The following USP24 variants were observed in gnomAD, a reference collection of about 807,000 sequenced individuals.
The protein encoded by USP24 is ubiquitin specific peptidase 24.
USP24 carries 97 observed loss-of-function variants against 361.6 expected under a neutral mutation model. The observed-to-expected ratio is 0.27, with a 90% confidence interval of 0.23 to 0.32. USP24 has a LOEUF of 0.32. Ranked by LOEUF, USP24 falls within the 10% of genes least tolerant of loss-of-function variation. USP24 has a pLI of 1.00. For missense variants in USP24, 2,353 were observed against 3,165.6 expected, an observed-to-expected ratio of 0.74 and a Z score of 6.16; for synonymous variants, 1,098 against 1,124.6, an observed-to-expected ratio of 0.98 and a Z score of 0.47.
intron 50 of USP24, among the ~76,000 whole-genome samples, chr1:55,095,685 G>T (rs1645481844): frequency 6.6e-6 from 1 of 152,130 alleles, no homozygotes; most frequent in Non-Finnish European, 1.5e-5. Flanking sequence ...AAGTATCCTA[G>T]GGAGGTCTAA....
At chr1:55,205,330 T>C (rs991803019) in intron 1 of USP24, among the ~76,000 whole-genome samples, 4 of 152,038 alleles carry the variant, frequency 2.6e-5, no homozygotes, top group Non-Finnish European at 5.9e-5. Flanking sequence ...TGCTGTGAGA[T>C]ATGGGGGCAG....
At position 55,118,349 on chromosome 1, in the gene USP24, T is replaced by TG. The variant is rs570188272; in HGVS notation, c.4508+2246dup. On this transcript the variant is annotated intron_variant, in intron 38 of 67. Coordinates refer to ENST00000294383, the MANE Select transcript of USP24 (RefSeq NM_015306.3). Reference sequence around the variant, plus strand: ...CATCAAGGGCACCAAAACCATTCAATGGGGAAAGGATAGTATTTTTAAAAA... The same window carrying TG: ...CATCAAGGGCACCAAAACCATTCAATGGGGGAAAGGATAGTATTTTTAAAAA... Among the ~76,000 whole-genome samples the TG allele has an allele frequency of 2.4e-4, 37 of 152,176 alleles. No homozygotes were observed. In the South Asian group the frequency reaches 5.6e-3, roughly 23 times the overall value.
At chr1:55,093,105 G>C (rs1645418051) in intron 52 of USP24, among the ~76,000 whole-genome samples, 189 bp from the exon 53 acceptor site, 4 of 152,114 alleles carry the variant, frequency 2.6e-5, no homozygotes, top group Admixed American at 2.6e-4. Flanking sequence ...TGACATATAA[G>C]ATGTTATAAG....
chr1:55,099,344 G>A (rs535748801), intron 45 of USP24, among the ~76,000 whole-genome samples: 4 of 152,164 alleles, frequency 2.6e-5, no homozygotes, highest in Admixed American at 2.6e-4. Flanking sequence ...ATCTCTGGAG[G>A]CCAGGAGTTT....
At chr1:55,077,050 A>G (rs1331894162) in intron 62 of USP24, among the ~76,000 whole-genome samples, 185 bp downstream of exon 62, 1 of 152,202 alleles carries the variant, frequency 6.6e-6, no homozygotes, top group Non-Finnish European at 1.5e-5. Context: ...CCTAGGAGGT[A>G]GTTTTATTAC....
rs1347236692 is a variant in USP24 at position 55,106,054 on chromosome 1, G to A, written c.4880+92C>T. 5.2e-6 allele frequency: 5 copies of A among 966,970 alleles called. 1 individual carries two copies. Among genetic ancestry groups the A allele is most frequent in the Non-Finnish European group, 6.5e-6 (4 of 614,622 alleles). The allele number at this position is 966,970 out of a possible 1,614,324, so 59.9% of individuals were successfully genotyped here. A position where few individuals can be genotyped will look rare whatever the true frequency, so the allele number is the denominator to read the frequency against. On this transcript the variant is annotated intron_variant, in intron 41 of 67. Transcript: ENST00000294383. ...TATAGGATACACAGACTCACAGATGGAAGACAAACTCCAAGTTAACAAAAT... is the reference window on the plus strand; with the variant it reads ...TATAGGATACACAGACTCACAGATGAAAGACAAACTCCAAGTTAACAAAAT...
In USP24 at chr1:55,132,605, T is replaced by C; in HGVS notation, c.3477A>G (p.Glu1159=). 1 of 1,613,696 alleles carries C rather than the reference T, an allele frequency of 6.2e-7. No individual in the cohort carries two copies. The highest frequency in any genetic ancestry group is 1.1e-5 in the South Asian group (1 of 91,074). ...CCGGGGCAAAAGATCGAAACAGACT[T>C]TCTAAAATTGAACTGGCACTTGGCT... ...QHQPSASSIL[E]SLFRSFAPGM... Residue 1159 remains glutamate, a synonymous_variant, in exon 31 of 68, where the codon GAA becomes GAG. Coordinates refer to ENST00000294383, the MANE Select transcript of USP24 (RefSeq NM_015306.3).
At position 55,148,514 on chromosome 1, in the gene USP24, G is replaced by C. The variant is rs1273857563; in HGVS notation, c.1917C>G (p.Leu639=). 3.1e-6 allele frequency: 5 copies of C among 1,596,872 alleles called. No homozygotes were observed. Among genetic ancestry groups the C allele is most frequent in the Non-Finnish European group, 4.3e-6 (5 of 1,170,760 alleles). Residue 639 remains leucine, a synonymous_variant, in exon 17 of 68, where the codon CTC becomes CTG. Transcript: ENST00000294383. ...FVWVVPALRQ[L]HEITRSFIKQ... ...TTATGAATGAGCGAGTAATTTCATG[G>C]AGCTGACGCAAAGCTGGTACCACCC... is the stretch of plus-strand genomic sequence containing the variant.
In USP24 at chr1:55,072,328, T is replaced by C. The variant is rs1029373258; in HGVS notation, c.7678A>G (p.Ile2560Val). ...TSTGKTFQRT[I>V]SAQDTLAYAT... is the part of the protein sequence containing the mutation. The stretch of plus-strand genomic sequence containing the variant: ...GAGACAACTCTCACCTGAGCTGAAA[T>C]GGTTCGCTGAAAGGTTTTTCCAGTT... Residue 2560 changes from isoleucine (I) to valine (V), a missense_variant, in exon 66 of 68, where the codon ATT becomes GTT. Ile to Val is a conservative substitution (Grantham distance 29). This residue lies in a region of USP24 where 8 missense variants were observed against 32.9 expected (regional missense o/e 0.24). Transcript: ENST00000294383. 1 of 1,613,504 alleles carries C rather than the reference T, an allele frequency of 6.2e-7. No homozygotes were observed. Among genetic ancestry groups the C allele is most frequent in the African/African-American group, 1.3e-5 (1 of 74,876 alleles).
At position 55,135,191 on chromosome 1, in the gene USP24, G is replaced by A. The variant is rs1646700255; in HGVS notation, c.3202-778C>T. On this transcript the variant is annotated intron_variant, in intron 28 of 67. Transcript: ENST00000294383. ...TTGAGATGGGGGTCTCGCTATGTTG[G>A]CCAGGTTGGTCTTGAACTCCTGGCC... 2.0e-5 allele frequency among the ~76,000 whole-genome samples: 3 copies of A among 151,830 alleles called. No homozygotes were observed. In the South Asian group the frequency reaches 6.3e-4, roughly 32 times the overall value.
intron 38 of USP24, among the ~76,000 whole-genome samples, chr1:55,116,158 A>G (rs926312596): frequency 3.3e-5 from 5 of 152,228 alleles, no homozygotes; most frequent in African/African-American, 1.2e-4. Flanking sequence ...CCCAGAACTT[A>G]AAGTATAATT....
chr1:55,189,681 C>G (rs1452032094), intron 1 of USP24, among the ~76,000 whole-genome samples: 1 of 152,048 alleles, frequency 6.6e-6, no homozygotes, highest in East Asian at 1.9e-4. Flanking sequence ...AAACGGTGAA[C>G]TTTATAGTAT....
intron 38 of USP24, among the ~76,000 whole-genome samples, chr1:55,112,690 G>A (rs1645989367): frequency 6.6e-6 from 1 of 152,040 alleles, no homozygotes; most frequent in African/African-American, 2.4e-5. Flanking sequence ...CCAATTATGT[G>A]GTCAATTTTA....
chr1:55,120,504 A>C, intron 38 of USP24, 92 bp downstream of exon 38: 1 of 1,364,658 alleles, frequency 7.3e-7, no homozygotes, highest in Non-Finnish European at 9.7e-7. Flanking sequence ...TAGTCATCTC[A>C]ATAATGCACT....
intron 30 of USP24, among the ~76,000 whole-genome samples, chr1:55,133,028 T>C (rs185958009): frequency 5.2e-4 from 79 of 152,296 alleles, no homozygotes; most frequent in Non-Finnish European, 9.6e-4. Context: ...AATTATAAGA[T>C]TGCTAAAGTG....
At chr1:55,179,241 C>T (rs567996713) in intron 1 of USP24, among the ~76,000 whole-genome samples, 1 of 152,298 alleles carries the variant, frequency 6.6e-6, no homozygotes, top group African/African-American at 2.4e-5. Flanking sequence ...GAACAGCACA[C>T]TCTCTGTTCT....
At position 55,107,319 on chromosome 1, in the gene USP24, G is replaced by T. The variant is rs749961506; in HGVS notation, c.4682C>A (p.Ala1561Glu). Reference sequence around the variant, plus strand: ...GTGCCCTGCCAGTAAGATGTTGTCCGCTTCACTGGTCTCACATTCAGCTGT... The same window carrying T: ...GTGCCCTGCCAGTAAGATGTTGTCCTCTTCACTGGTCTCACATTCAGCTGT... ...NRTAECETSE[A>E]DNILLAGHLR... is the part of the protein sequence containing the mutation. The change falls in exon 40 of 68, where the codon GCG becomes GAG. Residue 1561 changes from alanine to glutamate, a missense_variant. Ala to Glu is a moderately radical substitution (Grantham distance 107). This residue lies in a region of USP24 where 949 missense variants were observed against 1,280.5 expected (regional missense o/e 0.74). Transcript: ENST00000294383. The T allele has an allele frequency of 6.2e-7, 1 of 1,613,750 alleles. No homozygotes were observed.
chr1:55,083,881 C>T lies in USP24; in HGVS notation c.6773G>A (p.Ser2258Asn). The T allele has an allele frequency of 6.3e-7, 1 of 1,591,860 alleles. No individual in the cohort carries two copies. Among genetic ancestry groups the T allele is most frequent in the Non-Finnish European group, 8.6e-7 (1 of 1,168,780 alleles). ...SALFYQDKLK[S>N]LHQLLEVLLA... The stretch of plus-strand genomic sequence containing the variant: ...TAGTACCTCCAGTAACTGATGAAGG[C>T]TTTTTAACTGGTTAGAGGAAAGATA... The change falls in exon 57 of 68, where the codon AGC (serine) becomes AAC (asparagine). Residue 2258 changes from serine to asparagine, a missense_variant. By Grantham distance (46) the Ser-to-Asn change is conservative. Coordinates refer to ENST00000294383, the MANE Select transcript of USP24 (RefSeq NM_015306.3).
chr1:55,175,631 A>G (rs553300801), intron 3 of USP24, among the ~76,000 whole-genome samples: 7 of 152,354 alleles, frequency 4.6e-5, no homozygotes, highest in Non-Finnish European at 8.8e-5. Flanking sequence ...TTAAGCCAGC[A>G]AAAGAATCAT....
Sources: allele counts gnomAD v4.1 joint callset (sites outside exome capture counted in the v4.1 genomes callset), GRCh38; gene constraint gnomAD v4.1.1; regional missense constraint gnomAD v4.1.1; transcripts MANE v1.5; gene names NCBI Gene and HGNC (gene_info 2026-07-23, HGNC 2026-07-21).